PPEF1: variants seen among roughly 807,000 people sequenced by gnomAD.
The protein encoded by PPEF1 is protein phosphatase with EF-hand domain 1.
In PPEF1, 12 loss-of-function variants were observed where a neutral mutation model predicts 53.3. The observed-to-expected ratio is 0.23, with a 90% CI of 0.14 to 0.36. PPEF1 has a LOEUF of 0.36. Ranked by LOEUF, PPEF1 falls within the 10% of genes least tolerant of loss-of-function variation. The pLI, the probability that PPEF1 is intolerant of heterozygous loss-of-function variation, is 1.00. For synonymous variants in PPEF1, 165 were observed against 176.7 expected (o/e 0.93, Z 0.52); for missense variants, 334 against 490.4 (o/e 0.68, Z 3.01).
chrX:18,819,112 A>G (rs900843255), intron 13 of PPEF1, among the ~76,000 whole-genome samples: 2 of 111,651 alleles, frequency 1.8e-5, no homozygotes, highest in African/African-American at 6.5e-5. Flanking sequence ...ATTAAGATCA[A>G]CTCACATGAG....
chrX:18,677,489 C>A (rs910751512), intron 1 of PPEF1, among the ~76,000 whole-genome samples: 2 of 111,978 alleles, frequency 1.8e-5, no homozygotes, highest in Non-Finnish European at 3.8e-5. Flanking sequence ...CACATCCAAG[C>A]TGACTGGTTT....
Position 18,716,932 on chromosome X carries a change from G to A in PPEF1, c.46+9106G>A, listed in dbSNP as rs139426266. Among the ~76,000 whole-genome samples, 1,089 of 110,453 alleles carry A rather than the reference G, an allele frequency of 9.9e-3. 12 individuals are homozygous for A. The highest frequency in any genetic ancestry group is 0.032 in the African/African-American group (974 of 30,366). ...GTCCATTGTCCCTCTAAGACTATCC[G>A]TATGCTCTGTAGCTGTGGGAGGGGT... On this transcript the variant is annotated intron_variant, in intron 1 of 15. Transcript: ENST00000470157.
chrX:18,677,018 C>A (rs1928700673), intron 1 of PPEF1, among the ~76,000 whole-genome samples: 1 of 108,020 alleles, frequency 9.3e-6, no homozygotes, highest in East Asian at 2.9e-4. Flanking sequence ...CCGCCCCTCG[C>A]AAGGTGTCAT....
chrX:18,692,245 T>C (rs1929437039), intron 4 of PPEF1, among the ~76,000 whole-genome samples: 1 of 111,930 alleles, frequency 8.9e-6, no homozygotes, highest in African/African-American at 3.3e-5. Context: ...AACTCACGAT[T>C]TTTCTCCACC....
At chrX:18,807,353 C>T (rs1378148628) in intron 12 of PPEF1, among the ~76,000 whole-genome samples, 1 of 111,809 alleles carries the variant, frequency 8.9e-6, no homozygotes, top group Non-Finnish European at 1.9e-5. Flanking sequence ...CATTATAGAA[C>T]TAACATGTTT....
chrX:18,719,185 T>C (rs2044525699), intron 1 of PPEF1, among the ~76,000 whole-genome samples: 2 of 111,451 alleles, frequency 1.8e-5, no homozygotes, highest in Non-Finnish European at 3.8e-5. Flanking sequence ...TTTTGGAAAA[T>C]TGGCAAAACA....
At position 18,766,428 on chromosome X, in the gene PPEF1, A is replaced by G. The variant is rs770397575; in HGVS notation, c.558+4852A>G. Among the ~76,000 whole-genome samples, 3 of 112,103 alleles carry G rather than the reference A, an allele frequency of 2.7e-5. No individual in the cohort carries two copies. In the South Asian group the frequency reaches 1.1e-3, roughly 42 times the overall value. ...GCTGTTCTGGAAACAGTGTTTCTAT[A>G]TAAATATAAATGACAGTGATACCCC... is the stretch of plus-strand genomic sequence containing the variant. On this transcript the variant is annotated intron_variant, in intron 6 of 15. Coordinates refer to ENST00000470157, the MANE Select transcript of PPEF1 (RefSeq NM_001377996.1).
At chrX:18,677,035 CTTTT>C (rs763530257) in intron 1 of PPEF1, among the ~76,000 whole-genome samples, 1 of 90,047 alleles carries the variant, frequency 1.1e-5, no homozygotes. Context: ...TCATCACAAT[CTTTT>C]TTTTTTTTTT....
chrX:18,760,016 C>T (rs1035127393), intron 5 of PPEF1, among the ~76,000 whole-genome samples: 4 of 111,881 alleles, frequency 3.6e-5, no homozygotes, highest in Admixed American at 9.5e-5. Context: ...GACAGAGTCT[C>T]GCTCTGTCAC....
intron 4 of PPEF1, among the ~76,000 whole-genome samples, chrX:18,696,726 G>A (rs774276914): frequency 9.0e-6 from 1 of 111,623 alleles, no homozygotes; most frequent in South Asian, 3.8e-4. Context: ...TGGTGATTGG[G>A]TGTGATTGCT....
chrX:18,818,886 C>T (rs1218695006), intron 13 of PPEF1, among the ~76,000 whole-genome samples: 1 of 111,547 alleles, frequency 9.0e-6, no homozygotes, highest in Non-Finnish European at 1.9e-5. Context: ...TTCCTGGGGC[C>T]CAATGCTGAT....
At chrX:18,709,540 C>T (rs913520593) in intron 1 of PPEF1, among the ~76,000 whole-genome samples, 1 of 107,485 alleles carries the variant, frequency 9.3e-6, no homozygotes, top group Non-Finnish European at 1.9e-5. Context: ...CTCTGTCACC[C>T]AGGCTGGAGT....
chrX:18,706,689 T>A (rs746117683), upstream of PPEF1, among the ~76,000 whole-genome samples: 1 of 109,991 alleles, frequency 9.1e-6, no homozygotes, highest in East Asian at 2.9e-4. Context: ...GAGGCTGCAG[T>A]GAGCTGTGAT....
At chrX:18,821,405 G>A (rs1049125689) in intron 13 of PPEF1, among the ~76,000 whole-genome samples, 6 of 109,537 alleles carry the variant, frequency 5.5e-5, no homozygotes, top group African/African-American at 2.0e-4. Flanking sequence ...AAAAAAATTT[G>A]TTTTTGTTTT....
chrX:18,692,624 C>G (rs961478094), intron 4 of PPEF1, among the ~76,000 whole-genome samples: 1 of 111,348 alleles, frequency 9.0e-6, no homozygotes, highest in Non-Finnish European at 1.9e-5. Context: ...TCAGCCCTTA[C>G]CATCTATCTC....
At chrX:18,732,258 C>T (rs1337133087) in intron 2 of PPEF1, among the ~76,000 whole-genome samples, 1 of 112,841 alleles carries the variant, frequency 8.9e-6, no homozygotes, top group Non-Finnish European at 1.9e-5. Flanking sequence ...ATCTATTCCT[C>T]AGGTGATGGA....
At chrX:18,767,840 G>A (rs1368110521) in intron 6 of PPEF1, among the ~76,000 whole-genome samples, 4 of 110,890 alleles carry the variant, frequency 3.6e-5, no homozygotes, top group Admixed American at 2.9e-4. Context: ...TGAGGGGGTT[G>A]GGGGGTGATG....
intron 9 of PPEF1, among the ~76,000 whole-genome samples, chrX:18,787,768 A>AAG (rs1555975437): frequency 2.4e-3 from 246 of 103,768 alleles, no homozygotes; most frequent in Non-Finnish European, 3.4e-3. Context: ...AAAAAAAAAA[A>AAG]AAAGAAAGAA....
intron 10 of PPEF1, among the ~76,000 whole-genome samples, chrX:18,790,618 G>T (rs951660606): frequency 5.4e-5 from 6 of 111,392 alleles, no homozygotes; most frequent in African/African-American, 2.0e-4. Flanking sequence ...GATCCATTTT[G>T]AGTTAATTTT....
Sources: allele counts gnomAD v4.1 joint callset (sites outside exome capture counted in the v4.1 genomes callset), GRCh38; gene constraint gnomAD v4.1.1; transcripts MANE v1.5; gene names NCBI Gene and HGNC (gene_info 2026-07-23, HGNC 2026-07-21).